Variants in VDR observed in about 807,000 individuals in gnomAD.
The protein encoded by VDR is vitamin D receptor.
VDR carries 19 observed loss-of-function variants against 39.7 expected under a neutral mutation model. The ratio of observed to expected loss-of-function variants is 0.48; its 90% CI spans 0.33 to 0.70. The LOEUF (loss-of-function observed/expected upper bound fraction) is 0.70, where lower values mean the gene tolerates loss of function less well. VDR is among the 30% of genes least tolerant of loss of function. VDR has a pLI of 0.02. For missense variants in VDR, 442 were observed against 570.5 expected, an observed-to-expected ratio of 0.77 and a Z score of 2.29; for synonymous variants, 242 against 215.8, an observed-to-expected ratio of 1.12 and a Z score of -1.07.
In VDR at chr12:47,846,633, C is replaced by T. The variant is rs551336807; in HGVS notation, c.907+24G>A. ...GAATCTGGGAGCTGAAAAAGACTCC[C>T]CAGGAGGTGGAGTCTAGGCATACCT... On this transcript the variant is annotated intron_variant, in intron 8 of 9. Transcript: ENST00000549336. 23 of 1,612,772 alleles carry T rather than the reference C, an allele frequency of 1.4e-5. No individual in the cohort carries two copies. The East Asian group carries it at 5.1e-4, about 36-fold the overall frequency.
intron 3 of VDR, among the ~76,000 whole-genome samples, chr12:47,873,128 T>C (rs781048432): frequency 3.9e-5 from 6 of 152,110 alleles, no homozygotes; most frequent in Non-Finnish European, 7.4e-5. Context: ...TGGGACATGA[T>C]TGGATCATGG....
intron 4 of VDR, among the ~76,000 whole-genome samples, chr12:47,859,309 A>C (rs1397505327): frequency 6.6e-6 from 1 of 152,132 alleles, no homozygotes; most frequent in Non-Finnish European, 1.5e-5. Flanking sequence ...TCCTGCCCAG[A>C]TACTTTTCTC....
chr12:47,904,711 C>T (rs2137262298), intron 1 of VDR: 2 of 1,424,654 alleles, frequency 1.4e-6, no homozygotes, highest in Non-Finnish European at 1.9e-6. Context: ...GAGCATTTCT[C>T]CTAAGCGCCG....
At chr12:47,891,185 C>G (rs3922882) in intron 1 of VDR, among the ~76,000 whole-genome samples, 44,991 of 152,078 alleles carry the variant, frequency 0.3, 7,487 homozygotes, top group Non-Finnish European at 0.38. Flanking sequence ...GCCTGATGCC[C>G]CTGGCCACCT....
intron 1 of VDR, among the ~76,000 whole-genome samples, chr12:47,890,493 G>C (rs954162365): frequency 2.0e-5 from 3 of 151,920 alleles, no homozygotes; most frequent in Non-Finnish European, 2.9e-5. Flanking sequence ...TCACCAGGCA[G>C]GTTACATTCA....
chr12:47,897,699 C>T (rs113711365), intron 1 of VDR, among the ~76,000 whole-genome samples: 2 of 152,160 alleles, frequency 1.3e-5, no homozygotes, highest in Non-Finnish European at 2.9e-5. Flanking sequence ...GCATTTGGCT[C>T]CTTTCCCCAT....
chr12:47,857,268 G>A lies in VDR; in HGVS notation c.463-19C>T. On this transcript the variant is annotated intron_variant, in intron 5 of 9. Transcript: ENST00000549336. ...CTGGAGGCTGGAAGGGAAAGATGGG[G>A]TCTCAGACCCACATTTTGGGGTTGC... is the stretch of plus-strand genomic sequence containing the variant. 1 of 1,614,136 alleles carries A rather than the reference G, an allele frequency of 6.2e-7. No individual in the cohort carries two copies. The highest frequency in any genetic ancestry group is 2.2e-5 in the East Asian group (1 of 44,882).
chr12:47,871,527 G>C (rs1218545326), intron 3 of VDR, among the ~76,000 whole-genome samples: 1 of 147,406 alleles, frequency 6.8e-6, no homozygotes, highest in Admixed American at 6.8e-5. Flanking sequence ...GCAGCAGCAC[G>C]ATCTGGGCTC....
At position 47,872,093 on chromosome 12, in the gene VDR, G is replaced by A. The variant is rs1945893857; in HGVS notation, c.146+6875C>T. ...TTGGCTTTTTAAAAAGCCATATTAT[G>A]ACGTTACATTTAAAAAATCCACTAC... On this transcript the variant is annotated intron_variant, in intron 3 of 9. Transcript: ENST00000549336. 1.3e-5 allele frequency among the ~76,000 whole-genome samples: 2 copies of A among 152,192 alleles called. 1 individual carries two copies. Among genetic ancestry groups the A allele is most frequent in the Admixed American group, 1.3e-4 (2 of 15,280 alleles).
At chr12:47,878,601 C>T (rs947123431) in intron 3 of VDR, among the ~76,000 whole-genome samples, 12 of 152,316 alleles carry the variant, frequency 7.9e-5, no homozygotes, top group Admixed American at 7.2e-4. Context: ...GGGCTTTCCC[C>T]AAAGACATGC....
intron 1 of VDR, among the ~76,000 whole-genome samples, chr12:47,888,646 G>A (rs995164405): frequency 6.6e-6 from 1 of 152,164 alleles, no homozygotes; most frequent in African/African-American, 2.4e-5. Flanking sequence ...GGCCGGTGAC[G>A]CATAGGGGAC....
intron 3 of VDR, among the ~76,000 whole-genome samples, chr12:47,869,523 G>A (rs1273940897): frequency 3.3e-5 from 4 of 120,174 alleles, no homozygotes; most frequent in Admixed American, 2.2e-4. Flanking sequence ...GGGACAGAGC[G>A]AGACTCCATC....
Position 47,844,993 on chromosome 12 carries a change from A to C in VDR, c.1037T>G (p.Val346Gly). The C allele has an allele frequency of 6.2e-7, 1 of 1,612,704 alleles. No individual in the cohort carries two copies. Among genetic ancestry groups the C allele is most frequent in the Non-Finnish European group, 8.5e-7 (1 of 1,179,918 alleles). ...ICIVSPDRPGVQDAALIEAIQ... is the reference protein window; with the variant it reads ...ICIVSPDRPGGQDAALIEAIQ... Reference sequence around the variant, plus strand: ...GGCCTCAATCAGCGCGGCGTCCTGCACCCCAGGACGATCTGTGGGCACGGG... The same window carrying C: ...GGCCTCAATCAGCGCGGCGTCCTGCCCCCCAGGACGATCTGTGGGCACGGG... Residue 346 changes from valine (V) to glycine (G), a missense_variant, in exon 10 of 10, where the codon GTG becomes GGG. Around this residue, in one of 5 missense-constraint regions of VDR, gnomAD observed 173 missense variants for 252.0 expected, o/e 0.69. Transcript: ENST00000549336.
chr12:47,882,855 G>T, intron 1 of VDR, 81 bp from the exon 2 acceptor site: 1 of 1,178,738 alleles, frequency 8.5e-7, no homozygotes. Flanking sequence ...GGGCACGAGA[G>T]GCTCTTTCCA....
chr12:47,882,936 G>A (rs866169318), intron 1 of VDR, 162 bp from the exon 2 acceptor site: 36 of 568,290 alleles, frequency 6.3e-5, no homozygotes, highest in African/African-American at 3.7e-4. Context: ...CCATGTCATC[G>A]CTGGCAGGGG....
intron 2 of VDR, among the ~76,000 whole-genome samples, chr12:47,881,615 CTTA>C (rs1166705990): frequency 2.0e-5 from 3 of 151,938 alleles, no homozygotes; most frequent in South Asian, 2.1e-4. Flanking sequence ...GTATCTTCTT[CTTA>C]TTATTATTAG....
chr12:47,898,967 TCTTAA>T (rs1200354267), intron 1 of VDR, among the ~76,000 whole-genome samples: 1 of 152,214 alleles, frequency 6.6e-6, no homozygotes, highest in Admixed American at 6.5e-5. Context: ...AATGCTCCAC[TCTTAA>T]CTTAGGTGGT....
intron 3 of VDR, among the ~76,000 whole-genome samples, chr12:47,875,932 C>T (rs1945990972): frequency 6.6e-6 from 1 of 152,214 alleles, no homozygotes; most frequent in African/African-American, 2.4e-5. Flanking sequence ...CCCTGTGAGG[C>T]ACATCACGGC....
chr12:47,893,298 G>A (rs1440381183), intron 1 of VDR, among the ~76,000 whole-genome samples: 1 of 152,158 alleles, frequency 6.6e-6, no homozygotes, highest in Non-Finnish European at 1.5e-5. Flanking sequence ...CTATGCACAG[G>A]CCTCTTCTGC....
Sources: allele counts gnomAD v4.1 joint callset (sites outside exome capture counted in the v4.1 genomes callset), GRCh38; gene constraint gnomAD v4.1.1; regional missense constraint gnomAD v4.1.1; transcripts MANE v1.5; gene names NCBI Gene and HGNC (gene_info 2026-07-23, HGNC 2026-07-21).